Variants in GRB10 observed in about 807,000 individuals in gnomAD.
GRB10 encodes the protein growth factor receptor-bound protein 10.
GRB10 carries 20 observed loss-of-function variants against 80.9 expected under a neutral mutation model. The ratio of observed to expected loss-of-function variants is 0.25; its 90% confidence interval spans 0.17 to 0.36. The LOEUF (loss-of-function observed/expected upper bound fraction) is 0.36, where lower values mean the gene tolerates loss of function less well. GRB10 is among the 10% of genes least tolerant of loss of function. GRB10 has a pLI of 1.00. For synonymous variants in GRB10, 291 were observed against 291.5 expected (o/e 1.00, Z 0.02); for missense variants, 548 against 747.7 (o/e 0.73, Z 3.12).
chr7:50,658,350 T>A (rs1312203944), intron 7 of GRB10, among the ~76,000 whole-genome samples: 1 of 152,206 alleles, frequency 6.6e-6, no homozygotes, highest in Non-Finnish European at 1.5e-5. Flanking sequence ...TGTCTAGTGG[T>A]TCCCCCTTAC....
At position 50,726,665 on chromosome 7, in the gene GRB10, G is replaced by A. The variant is rs148229224; in HGVS notation, c.51+5607C>T. On this transcript the variant is annotated intron_variant, in intron 4 of 18. Coordinates refer to ENST00000401949, the MANE Select transcript of GRB10 (RefSeq NM_001350814.2). ...CATTTTAAAAATGCAAACACCTTAC[G>A]ATCAGCACACATGACACATTTAGGG... 5.7e-3 allele frequency among the ~76,000 whole-genome samples: 871 copies of A among 152,034 alleles called. 13 individuals carry two copies. The highest frequency in any genetic ancestry group is 0.02 in the African/African-American group (817 of 41,450).
intron 7 of GRB10, among the ~76,000 whole-genome samples, chr7:50,638,541 A>G (rs2055505882): frequency 6.6e-6 from 1 of 152,232 alleles, no homozygotes; most frequent in Non-Finnish European, 1.5e-5. Flanking sequence ...CCACAATGAG[A>G]TATCATCTTA....
chr7:50,635,535 T>C (rs900233060), intron 7 of GRB10, among the ~76,000 whole-genome samples: 1 of 149,374 alleles, frequency 6.7e-6, no homozygotes, highest in African/African-American at 2.5e-5. Context: ...CAGAACTAAG[T>C]GTTATTGAGA....
chr7:50,616,430 T>G, intron 10 of GRB10, 83 bp from the exon 11 acceptor site: 1 of 1,309,624 alleles, frequency 7.6e-7, no homozygotes, highest in Non-Finnish European at 1.1e-6. Context: ...AGCTGACATT[T>G]TCTGAATTAT....
intron 17 of GRB10, among the ~76,000 whole-genome samples, chr7:50,603,236 C>T (rs763263824): frequency 6.6e-6 from 1 of 152,208 alleles, no homozygotes; most frequent in Non-Finnish European, 1.5e-5. Flanking sequence ...TCCGCAGTGT[C>T]GGCCTTCTGT....
intron 1 of GRB10, chr7:50,792,625 G>A (rs2078976845): frequency 5.0e-6 from 2 of 397,242 alleles, no homozygotes; most frequent in Non-Finnish European, 8.9e-6. Flanking sequence ...CCCCAGCGGC[G>A]GCTAACGGGT....
At chr7:50,657,890 T>G (rs1019041976) in intron 7 of GRB10, among the ~76,000 whole-genome samples, 5 of 152,232 alleles carry the variant, frequency 3.3e-5, no homozygotes, top group Non-Finnish European at 7.3e-5. Context: ...ACTAATTCTT[T>G]TTTTTTTCTT....
rs1011106107 is a variant in GRB10, at chr7:50,636,448, A to G, written c.505-9470T>C. Among the ~76,000 whole-genome samples, 14 of 152,342 alleles carry G rather than the reference A, an allele frequency of 9.2e-5. No homozygotes were observed. The South Asian group carries it at 1.0e-3, about 11-fold the overall frequency. On this transcript the variant is annotated intron_variant, in intron 7 of 18. Coordinates refer to ENST00000401949, the MANE Select transcript of GRB10 (RefSeq NM_001350814.2). ...CAAAGTAAGGATACTGCAGGCCAAT[A>G]TCCCTTATAAAAACATAGATGCAAA... is the stretch of plus-strand genomic sequence containing the variant.
chr7:50,606,225 C>T, intron 14 of GRB10, 112 bp downstream of exon 14: 1 of 892,546 alleles, frequency 1.1e-6, no homozygotes, highest in East Asian at 2.4e-5. Flanking sequence ...GAAATGCACA[C>T]ACACTCTCCA....
chr7:50,744,821 T>C (rs1563684626), intron 3 of GRB10, among the ~76,000 whole-genome samples: 1 of 152,216 alleles, frequency 6.6e-6, no homozygotes, highest in Non-Finnish European at 1.5e-5. Context: ...ATTATTACAG[T>C]AGTACAGTAA....
At chr7:50,761,066 A>G (rs2075711348) in intron 2 of GRB10, among the ~76,000 whole-genome samples, 1 of 152,228 alleles carries the variant, frequency 6.6e-6, no homozygotes, top group Non-Finnish European at 1.5e-5. Flanking sequence ...ATTAAGAACA[A>G]CTAGATATCA....
chr7:50,756,978 CA>C (rs1335703454), intron 2 of GRB10, among the ~76,000 whole-genome samples: 1 of 152,172 alleles, frequency 6.6e-6, no homozygotes, highest in Non-Finnish European at 1.5e-5. Context: ...TGGGTGATCT[CA>C]ACAGATCCCT....
At chr7:50,707,761 T>C (rs1310651804) in intron 4 of GRB10, among the ~76,000 whole-genome samples, 5 of 152,208 alleles carry the variant, frequency 3.3e-5, no homozygotes, top group African/African-American at 1.2e-4. Context: ...ACCCAGGGCC[T>C]GCACAGCCCT....
intron 3 of GRB10, among the ~76,000 whole-genome samples, chr7:50,742,846 T>C (rs1286493874): frequency 6.6e-6 from 1 of 152,076 alleles, no homozygotes; most frequent in African/African-American, 2.4e-5. Flanking sequence ...GGGGAAAATA[T>C]TGGGGAAAAA....
At chr7:50,740,488 G>A (rs2071508245) in intron 3 of GRB10, among the ~76,000 whole-genome samples, 1 of 152,166 alleles carries the variant, frequency 6.6e-6, no homozygotes. Context: ...TAAAATTTTA[G>A]AAAGACGTTT....
chr7:50,734,177 C>A (rs1447536389), intron 3 of GRB10, among the ~76,000 whole-genome samples: 1 of 152,148 alleles, frequency 6.6e-6, no homozygotes, highest in Non-Finnish European at 1.5e-5. Flanking sequence ...GCTGCCAGAT[C>A]GCAGGACCAT....
At chr7:50,605,593 T>G (rs1425414229) in intron 14 of GRB10, among the ~76,000 whole-genome samples, 187 bp from the exon 15 acceptor site, 2 of 152,126 alleles carry the variant, frequency 1.3e-5, no homozygotes, top group African/African-American at 2.4e-5. Context: ...CCCCTTCAGT[T>G]TTTCTTAAGA....
intron 6 of GRB10, 78 bp downstream of exon 6, chr7:50,674,358 T>C (rs1169985255): frequency 2.2e-6 from 3 of 1,391,706 alleles, no homozygotes; most frequent in Non-Finnish European, 2.0e-6. Context: ...CCCAACACCA[T>C]TTAACTCACA....
chr7:50,640,334 C>A (rs563263648), intron 7 of GRB10, among the ~76,000 whole-genome samples: 7 of 152,298 alleles, frequency 4.6e-5, no homozygotes, highest in African/African-American at 1.7e-4. Context: ...AGAGGCAGGT[C>A]CAGCAGGCAC....
Sources: allele counts gnomAD v4.1 joint callset (sites outside exome capture counted in the v4.1 genomes callset), GRCh38; gene constraint gnomAD v4.1.1; transcripts MANE v1.5; gene names NCBI Gene and HGNC (gene_info 2026-07-23, HGNC 2026-07-21).